The following FARP1 variants were observed in gnomAD, a reference collection of about 807,000 sequenced individuals.
FARP1 encodes FERM, ARHGEF and pleckstrin domain-containing protein 1.
In FARP1, 52 loss-of-function variants were observed where a neutral mutation model predicts 128.8. The observed-to-expected ratio is 0.40, with a 90% CI of 0.32 to 0.51. The LOEUF (loss-of-function observed/expected upper bound fraction) is 0.51, where lower values mean the gene tolerates loss of function less well. Among genes scored for constraint, FARP1 ranks in the 20% least tolerant of loss-of-function variants. FARP1 has a pLI of 0.45. For synonymous variants in FARP1, 580 were observed against 551.8 expected (o/e 1.05, Z -0.72); for missense variants, 1,333 against 1,367.9 (o/e 0.97, Z 0.40).
rs1179465716 is a variant in FARP1 at position 98,313,134 on chromosome 13, ACACACACT to A, written c.172-30624_172-30617del. ...TACACACACACACACACACACACAC[ACACACACT>A]CACTCGAATCGGGTGGGTCATAATA... On this transcript the variant is annotated intron_variant, in intron 2 of 26. Coordinates refer to ENST00000319562, the MANE Select transcript of FARP1 (RefSeq NM_005766.4). Among the ~76,000 whole-genome samples, 661 of 150,780 alleles carry A rather than the reference ACACACACT, an allele frequency of 4.4e-3. 5 individuals carry two copies. The highest frequency in any genetic ancestry group is 0.015 in the African/African-American group (629 of 40,940).
intron 2 of FARP1, among the ~76,000 whole-genome samples, chr13:98,266,663 AAC>A (rs1884130002): frequency 6.6e-6 from 1 of 152,170 alleles, no homozygotes; most frequent in Non-Finnish European, 1.5e-5. Flanking sequence ...AAGAGGAAAA[AAC>A]AACCCCAAGA....
chr13:98,354,748 G>T (rs1202322722), intron 3 of FARP1, among the ~76,000 whole-genome samples: 2 of 152,202 alleles, frequency 1.3e-5, no homozygotes, highest in Non-Finnish European at 2.9e-5. Flanking sequence ...ACTGGAAATC[G>T]CACATGTGCC....
At chr13:98,234,508 T>TA in intron 2 of FARP1, 1 of 152,330 alleles carries the variant, frequency 6.6e-6, no homozygotes, top group South Asian at 2.1e-4. Context: ...AATACTTGTC[T>TA]AAACACCTGG....
intron 2 of FARP1, among the ~76,000 whole-genome samples, chr13:98,311,776 C>CCAT (rs1886469574): frequency 1.3e-5 from 2 of 152,230 alleles, no homozygotes; most frequent in African/African-American, 4.8e-5. Flanking sequence ...GGAATGGCTA[C>CCAT]CGTAATGATG....
At chr13:98,255,861 A>G (rs1162532143) in intron 2 of FARP1, among the ~76,000 whole-genome samples, 1 of 152,212 alleles carries the variant, frequency 6.6e-6, no homozygotes, top group Non-Finnish European at 1.5e-5. Context: ...TATGACTGCA[A>G]GAAAAGGAAG....
Position 98,409,459 on chromosome 13 carries a change from G to C in FARP1, c.1536G>C (p.Leu512Phe), listed in dbSNP as rs778450906. 3.7e-6 allele frequency: 6 copies of C among 1,614,008 alleles called. No homozygotes were observed. The African/African-American group carries it at 8.0e-5, about 22-fold the overall frequency. ...CCGACACCAAGCAGGCCTCTCCCTT[G>C]ATCAGCCCGCTGCTGAATGACCAGG... The part of the protein sequence containing the change: ...LSPDTKQASP[L>F]ISPLLNDQAC... The change falls in exon 14 of 27, where the codon TTG (leucine) becomes TTC (phenylalanine). Residue 512 changes from leucine (L) to phenylalanine (F), a missense_variant. Around this residue, in one of 2 missense-constraint regions of FARP1, gnomAD observed 1,009 missense variants for 969.8 expected, o/e 1.04. Coordinates refer to ENST00000319562, the MANE Select transcript of FARP1 (RefSeq NM_005766.4).
At position 98,344,218 on chromosome 13, in the gene FARP1, G is replaced by T. The variant is rs557920055; in HGVS notation, c.276+352G>T. Among the ~76,000 whole-genome samples the T allele has an allele frequency of 5.3e-5, 8 of 152,310 alleles. No homozygotes were observed. In the South Asian group the frequency reaches 1.7e-3, roughly 32 times the overall value. On this transcript the variant is annotated intron_variant, in intron 3 of 26. Coordinates refer to ENST00000319562, the MANE Select transcript of FARP1 (RefSeq NM_005766.4). The stretch of plus-strand genomic sequence containing the variant: ...AGGCAGATTGGAATAGGACCAGACT[G>T]GAGTCAAGAAAGCCATCAGGATCTA...
intron 1 of FARP1, among the ~76,000 whole-genome samples, chr13:98,149,206 T>C (rs1875790259): frequency 6.6e-6 from 1 of 152,090 alleles, no homozygotes; most frequent in Non-Finnish European, 1.5e-5. Context: ...GTTTTATTCC[T>C]CTCTCTCTTC....
At chr13:98,161,208 T>C (rs1177525631) in intron 1 of FARP1, among the ~76,000 whole-genome samples, 2 of 151,756 alleles carry the variant, frequency 1.3e-5, no homozygotes, top group Non-Finnish European at 2.9e-5. Flanking sequence ...ATTATCTTGC[T>C]TCAGTAATTT....
At chr13:98,384,926 C>T in intron 7 of FARP1, 82 bp downstream of exon 7, 1 of 801,886 alleles carries the variant, frequency 1.2e-6, no homozygotes. Flanking sequence ...TCCCTCCACC[C>T]CCCACACAAA....
intron 1 of FARP1, among the ~76,000 whole-genome samples, chr13:98,190,492 G>GA (rs1227957280): frequency 6.6e-6 from 1 of 152,210 alleles, no homozygotes; most frequent in African/African-American, 2.4e-5. Context: ...TGACTGATAG[G>GA]AAATTAGCAG....
At chr13:98,237,040 C>T (rs754486649) in intron 2 of FARP1, among the ~76,000 whole-genome samples, 5 of 151,892 alleles carry the variant, frequency 3.3e-5, no homozygotes, top group African/African-American at 4.8e-5. Context: ...GCGTGTGGCT[C>T]ATGTCTGTAA....
rs7994944 is a variant in FARP1, at chr13:98,191,750, T to G, written c.-23-21470T>G. Among the ~76,000 whole-genome samples, 553 of 152,190 alleles carry G rather than the reference T, an allele frequency of 3.6e-3. 4 individuals are homozygous for G. The highest frequency in any genetic ancestry group is 0.013 in the African/African-American group (531 of 41,522). ...CTGAGGTTAGGAGTTTGAGACCAAC[T>G]TGGCCAACATGGAAAAACCCCGTCC... On this transcript the variant is annotated intron_variant, in intron 1 of 26. Coordinates refer to ENST00000319562, the MANE Select transcript of FARP1 (RefSeq NM_005766.4).
chr13:98,279,339 T>C (rs888210281), intron 2 of FARP1, among the ~76,000 whole-genome samples: 1 of 142,286 alleles, frequency 7.0e-6, no homozygotes, highest in Non-Finnish European at 1.5e-5. Flanking sequence ...ACTGAGAATG[T>C]TGAAATAATA....
intron 9 of FARP1, 90 bp from the exon 10 acceptor site, chr13:98,389,867 G>A (rs1286748465): frequency 1.8e-5 from 23 of 1,304,540 alleles, no homozygotes; most frequent in Middle Eastern, 1.9e-4. Context: ...AAACTTTATC[G>A]GACAAAGCTA....
intron 1 of FARP1, among the ~76,000 whole-genome samples, chr13:98,197,667 C>T (rs555714728): frequency 5.3e-5 from 8 of 151,364 alleles, no homozygotes; most frequent in African/African-American, 2.4e-5. Flanking sequence ...TGGAGTCTCG[C>T]TCTGTCACCC....
chr13:98,383,394 C>T (rs931761654), intron 6 of FARP1, among the ~76,000 whole-genome samples: 3 of 152,194 alleles, frequency 2.0e-5, no homozygotes, highest in South Asian at 2.1e-4. Context: ...GATGAGGAAG[C>T]GAGGGAGGGA....
At chr13:98,253,835 C>A (rs4772060) in intron 2 of FARP1, among the ~76,000 whole-genome samples, 95,384 of 151,990 alleles carry the variant, frequency 0.63, 31,219 homozygotes, top group East Asian at 0.89. Context: ...TAATGAAGAG[C>A]GCCCTGGGTG....
intron 2 of FARP1, among the ~76,000 whole-genome samples, chr13:98,281,039 T>C (rs1884911987): frequency 6.6e-6 from 1 of 152,258 alleles, no homozygotes; most frequent in Non-Finnish European, 1.5e-5. Context: ...CAAAAATATA[T>C]TTATTAATAA....
Sources: gnomAD v4.1 joint callset for allele counts (sites outside exome capture counted in the v4.1 genomes callset) on GRCh38, gnomAD v4.1.1 for gene constraint, gnomAD v4.1.1 regional missense constraint, MANE v1.5 for transcripts, NCBI Gene and HGNC (gene_info 2026-07-23, HGNC 2026-07-21) for gene names.